Variants in NRCAM observed in about 807,000 individuals in gnomAD.
The protein encoded by NRCAM is NgCAM-related cell adhesion molecule.
In NRCAM, 83 loss-of-function variants were observed where a neutral mutation model predicts 156.5. That is an observed-to-expected ratio of 0.53 (90% confidence interval 0.44 to 0.64). NRCAM has a LOEUF of 0.64. NRCAM is among the 30% of genes least tolerant of loss of function. The probability of loss-of-function intolerance (pLI) is 0.00; values close to 1 mark genes in which losing one functional copy is unlikely to be tolerated. For missense variants in NRCAM, 1,417 were observed against 1,597.3 expected (o/e 0.89, Z 1.92); for synonymous variants, 538 against 563.9 (o/e 0.95, Z 0.65).
chr7:108,216,732 G>A (rs981274792), intron 11 of NRCAM, among the ~76,000 whole-genome samples: 1 of 152,052 alleles, frequency 6.6e-6, no homozygotes, highest in Admixed American at 6.5e-5. Flanking sequence ...TATGCGTCAC[G>A]AAGTTCTCGT....
intron 3 of NRCAM, among the ~76,000 whole-genome samples, chr7:108,256,060 G>A (rs1355504224): frequency 6.6e-6 from 1 of 150,784 alleles, no homozygotes; most frequent in African/African-American, 2.4e-5. Context: ...GGGCGCCTCT[G>A]CCCGGCCGCC....
At chr7:108,248,742 C>CA (rs781494843) in intron 3 of NRCAM, among the ~76,000 whole-genome samples, 14 of 152,182 alleles carry the variant, frequency 9.2e-5, no homozygotes, top group Non-Finnish European at 1.6e-4. Flanking sequence ...CTTTTGCTCA[C>CA]AACCCATTGA....
At chr7:108,201,661 T>C (rs1280375410) in intron 13 of NRCAM, among the ~76,000 whole-genome samples, 1 of 152,196 alleles carries the variant, frequency 6.6e-6, no homozygotes, top group Admixed American at 6.5e-5. Context: ...TTTCCCCAAG[T>C]GGAGACTCAT....
intron 2 of NRCAM, among the ~76,000 whole-genome samples, chr7:108,388,907 C>T (rs13221478): frequency 6.7e-6 from 1 of 149,816 alleles, no homozygotes; most frequent in East Asian, 1.9e-4. Context: ...CTGTTCTGTT[C>T]CATTGTCTAT....
At chr7:108,168,152 C>G in intron 29 of NRCAM, 125 bp downstream of exon 29, 2 of 1,007,862 alleles carry the variant, frequency 2.0e-6, no homozygotes, top group Non-Finnish European at 2.7e-6. Flanking sequence ...TTTTAGATAA[C>G]TCATTCATTT....
At chr7:108,398,387 C>T (rs777773868) in intron 2 of NRCAM, among the ~76,000 whole-genome samples, 11 of 152,108 alleles carry the variant, frequency 7.2e-5, no homozygotes, top group Non-Finnish European at 1.0e-4. Flanking sequence ...TAATTCTCCT[C>T]GCTCTCCCCC....
At chr7:108,201,201 T>C (rs1318705301) in intron 13 of NRCAM, among the ~76,000 whole-genome samples, 1 of 146,672 alleles carries the variant, frequency 6.8e-6, no homozygotes, top group Non-Finnish European at 1.5e-5. Context: ...AAGAAAAAGA[T>C]TCTTAGCACT....
intron 3 of NRCAM, among the ~76,000 whole-genome samples, chr7:108,278,555 C>A (rs1033174888): frequency 6.6e-6 from 1 of 152,166 alleles, no homozygotes; most frequent in Non-Finnish European, 1.5e-5. Context: ...GGGCGTGGGA[C>A]CTGCCACACC....
Position 108,168,333 on chromosome 7 carries a change from CA to C in NRCAM, c.3256del (p.Trp1086GlyfsTer9). 6.2e-7 allele frequency: 1 copy of C among 1,610,014 alleles called. No individual in the cohort carries two copies. The highest frequency in any genetic ancestry group is 8.5e-7 in the Non-Finnish European group (1 of 1,178,252). Reference sequence around the variant, plus strand: ...CACATGCTCTGGTCCCTCATATTCCCAACTGATATTGGCATAGGTCTCAGCA... The same window carrying C: ...CACATGCTCTGGTCCCTCATATTCCCACTGATATTGGCATAGGTCTCAGCA... ...AAAETYANIS[W>X]EYEGPEHVNF... On this transcript the variant is annotated frameshift_variant, in exon 29 of 33. Transcript: ENST00000379028. LOFTEE classifies it high-confidence loss of function.
chr7:108,275,264 G>C lies in NRCAM; in HGVS notation c.-106-35094C>G, dbSNP rs372785068. On this transcript the variant is annotated intron_variant, in intron 3 of 32. Transcript: ENST00000379028. ...GATGCTGGCCTCATAAAATGAGTTA[G>C]GGAGGATTCCCTCTTTTTCTACTGA... Among the ~76,000 whole-genome samples the C allele has an allele frequency of 7.9e-5, 12 of 152,284 alleles. No individual in the cohort carries two copies. In the East Asian group the frequency reaches 1.9e-3, roughly 24 times the overall value.
chr7:108,427,524 GGAGA>G (rs999209848), intron 1 of NRCAM, among the ~76,000 whole-genome samples: 2 of 152,132 alleles, frequency 1.3e-5, no homozygotes, highest in African/African-American at 4.8e-5. Context: ...TCCAATGGCT[GGAGA>G]GACACTTTTA....
chr7:108,425,088 A>AT (rs1237932287), intron 1 of NRCAM, among the ~76,000 whole-genome samples: 1 of 152,072 alleles, frequency 6.6e-6, no homozygotes, highest in Non-Finnish European at 1.5e-5. Flanking sequence ...TTTCATGGAA[A>AT]TTTTTTGCAA....
chr7:108,360,597 A>T (rs73420253), intron 2 of NRCAM, among the ~76,000 whole-genome samples: 3 of 152,356 alleles, frequency 2.0e-5, no homozygotes, highest in African/African-American at 7.2e-5. Context: ...TTTGAAACTT[A>T]CTTCAAAGCT....
chr7:108,333,587 C>T (rs2099148687), intron 2 of NRCAM, among the ~76,000 whole-genome samples: 1 of 152,096 alleles, frequency 6.6e-6, no homozygotes, highest in Non-Finnish European at 1.5e-5. Context: ...TCTTTTATAA[C>T]AGTTGTTACA....
At chr7:108,154,874 C>T (rs537355916) in intron 32 of NRCAM, among the ~76,000 whole-genome samples, 12 of 152,040 alleles carry the variant, frequency 7.9e-5, no homozygotes, top group South Asian at 2.1e-4. Flanking sequence ...GCAACACACA[C>T]GCGGAACTTT....
chr7:108,392,469 T>C (rs551666159), intron 2 of NRCAM, among the ~76,000 whole-genome samples: 1 of 152,332 alleles, frequency 6.6e-6, no homozygotes, highest in South Asian at 2.1e-4. Context: ...AGTTAGCCAT[T>C]CGTCTAATCT....
chr7:108,414,767 T>TA (rs371150901), intron 1 of NRCAM, among the ~76,000 whole-genome samples: 12 of 151,816 alleles, frequency 7.9e-5, no homozygotes, highest in African/African-American at 2.9e-4. Context: ...AAGAGGGGCT[T>TA]AAAAAAACGC....
intron 32 of NRCAM, chr7:108,150,772 T>A (rs780727990): frequency 3.8e-6 from 2 of 525,218 alleles, no homozygotes; most frequent in South Asian, 2.9e-5. Flanking sequence ...AAAAGCAAAA[T>A]CCTTATACTG....
intron 1 of NRCAM, among the ~76,000 whole-genome samples, chr7:108,426,770 C>T (rs1053780365): frequency 1.3e-5 from 2 of 152,164 alleles, no homozygotes; most frequent in African/African-American, 4.8e-5. Flanking sequence ...ATCTGTAAAA[C>T]CAGACTTCAA....
Sources: allele counts gnomAD v4.1 joint callset (sites outside exome capture counted in the v4.1 genomes callset), GRCh38; gene constraint gnomAD v4.1.1; transcripts MANE v1.5; gene names NCBI Gene and HGNC (gene_info 2026-07-23, HGNC 2026-07-21).